The following GRK4 variants were observed in gnomAD, a reference collection of about 807,000 sequenced individuals.
GRK4 encodes G protein-coupled receptor kinase 4, also known as G protein-coupled receptor kinase 2-like.
A neutral mutation model predicts 77.9 loss-of-function variants in GRK4; 73 were observed. The ratio of observed to expected loss-of-function variants is 0.94; its 90% confidence interval spans 0.78 to 1.14. The LOEUF is 1.14. GRK4 is among the 50% of genes most tolerant of loss of function. The pLI is 0.00. For synonymous variants in GRK4, 257 were observed against 254.4 expected (o/e 1.01, Z -0.10); for missense variants, 729 against 700.2 (o/e 1.04, Z -0.46).
chr4:3,028,077 C>A, intron 11 of GRK4, 76 bp downstream of exon 11: 5 of 1,254,504 alleles, frequency 4.0e-6, no homozygotes, highest in Non-Finnish European at 5.9e-6. Context: ...AGAAATCCAC[C>A]CTGAATGGAC....
intron 4 of GRK4, among the ~76,000 whole-genome samples, chr4:3,000,419 A>G (rs974257760): frequency 6.6e-6 from 1 of 152,194 alleles, no homozygotes; most frequent in African/African-American, 2.4e-5. Context: ...TGGAGGGGAA[A>G]TGACTGTTAA....
intron 4 of GRK4, among the ~76,000 whole-genome samples, chr4:3,001,087 A>ATG (rs1729433731): frequency 3.7e-5 from 3 of 82,052 alleles, no homozygotes; most frequent in South Asian, 2.8e-4. Context: ...ATATATATAT[A>ATG]TATGTGTGTG....
chr4:2,976,903 T>C (rs554074271), intron 1 of GRK4, among the ~76,000 whole-genome samples: 2 of 152,288 alleles, frequency 1.3e-5, no homozygotes, highest in South Asian at 4.1e-4. Context: ...TCTCCCAAAG[T>C]GCTGGGATGA....
intron 1 of GRK4, among the ~76,000 whole-genome samples, chr4:2,964,351 G>C (rs1043556426): frequency 5.9e-5 from 9 of 152,180 alleles, no homozygotes; most frequent in African/African-American, 2.2e-4. Context: ...TGGCCCAGAT[G>C]AGAGAAGTCT....
At chr4:2,965,141 T>G in intron 1 of GRK4, 1 of 615,848 alleles carries the variant, frequency 1.6e-6, no homozygotes, top group South Asian at 1.9e-5. Flanking sequence ...AAATCCTGCT[T>G]AGTCTTTGTT....
intron 10 of GRK4, 45 bp from the exon 11 acceptor site, chr4:3,027,867 A>T: frequency 6.5e-7 from 1 of 1,530,566 alleles, no homozygotes; most frequent in Non-Finnish European, 9.0e-7. Flanking sequence ...TTACGGTGTC[A>T]TTACTTCCCC....
intron 10 of GRK4, among the ~76,000 whole-genome samples, chr4:3,025,766 G>A (rs2342295): frequency 0.4 from 60,075 of 151,746 alleles, 12,287 homozygotes; most frequent in Non-Finnish European, 0.41. Flanking sequence ...AAAATAGAGT[G>A]TATCGTAAGA....
Position 2,997,871 on chromosome 4 carries a change from G to A in GRK4, c.339+5579G>A, listed in dbSNP as rs144533100. 3.3e-3 allele frequency among the ~76,000 whole-genome samples: 482 copies of A among 146,802 alleles called. 2 individuals are homozygous for A. The highest frequency in any genetic ancestry group is 0.012 in the African/African-American group (453 of 39,156). ...TACAGTGAGCTGAGATTGCACCACT[G>A]CACTCCAGCCTGGATGACAGAGTGA... On this transcript the variant is annotated intron_variant, in intron 4 of 15. Coordinates refer to ENST00000398052, the MANE Select transcript of GRK4 (RefSeq NM_182982.3).
At chr4:3,011,441 A>G (rs893319883) in intron 7 of GRK4, among the ~76,000 whole-genome samples, 1 of 152,222 alleles carries the variant, frequency 6.6e-6, no homozygotes, top group East Asian at 1.9e-4. Flanking sequence ...ATAAATAAAT[A>G]CATTAAAAAA....
chr4:2,968,182 A>C (rs1318232810), intron 1 of GRK4, among the ~76,000 whole-genome samples: 1 of 152,148 alleles, frequency 6.6e-6, no homozygotes, highest in East Asian at 1.9e-4. Context: ...ATAAGCTTAA[A>C]TTATTTCACA....
At chr4:3,036,039 T>C (rs1344177926) in intron 13 of GRK4, among the ~76,000 whole-genome samples, 1 of 152,226 alleles carries the variant, frequency 6.6e-6, no homozygotes, top group East Asian at 1.9e-4. Flanking sequence ...CAGGCTACTT[T>C]TGAACTCCTG....
At chr4:3,030,541 C>T (rs758143296) in intron 12 of GRK4, among the ~76,000 whole-genome samples, 16 of 152,202 alleles carry the variant, frequency 1.1e-4, no homozygotes, top group Non-Finnish European at 2.1e-4. Flanking sequence ...GCCCTGCCAG[C>T]GAGAACTGAC....
chr4:3,011,552 G>A (rs1560450904), intron 7 of GRK4, among the ~76,000 whole-genome samples: 1 of 152,196 alleles, frequency 6.6e-6, no homozygotes, highest in Non-Finnish European at 1.5e-5. Context: ...AATAAAGCAT[G>A]GCAGTTTCCC....
At position 2,963,927 on chromosome 4, in the gene GRK4, AG is replaced by A; in HGVS notation, c.-143del. 1 of 770,634 alleles carries A rather than the reference AG, an allele frequency of 1.3e-6. No individual in the cohort carries two copies. Among genetic ancestry groups the A allele is most frequent in the Admixed American group, 2.2e-5 (1 of 46,416 alleles). 47.7% of individuals were successfully genotyped at this position (770,634 alleles called of 1,614,324 possible). ...CCCTTGGTGGCAGTGGTGGCGGCGG[AG>A]CAGCCTCCCGGGATCGTGTCCGGAG... On this transcript the variant is annotated 5_prime_UTR_variant, in exon 1 of 16. Transcript: ENST00000398052.
chr4:2,978,193 C>G (rs931755990), intron 1 of GRK4, among the ~76,000 whole-genome samples: 19 of 152,224 alleles, frequency 1.2e-4, no homozygotes, highest in Non-Finnish European at 1.9e-4. Flanking sequence ...GGGAAAACAA[C>G]TTTCATCTTT....
Position 2,990,246 on chromosome 4 carries a change from CTTTTTTTTTTTTT to C in GRK4, c.261+1422_261+1434del, listed in dbSNP as rs71644371. Among the ~76,000 whole-genome samples the C allele has an allele frequency of 1.6e-3, 114 of 70,764 alleles. 2 individuals are homozygous for C. The highest frequency in any genetic ancestry group is 2.8e-3 in the South Asian group (6 of 2,140). 46.4% of individuals were successfully genotyped at this position (70,764 alleles called of 152,430 possible). A position where few individuals can be genotyped will look rare whatever the true frequency, so the allele number is the denominator to read the frequency against. ...TAAGGTGATTCTTCTTCTTCTTCTT[CTTTTTTTTTTTTT>C]TTTTTTTTTTTTTTGAGACAGAGTT... On this transcript the variant is annotated intron_variant, in intron 3 of 15. Transcript: ENST00000398052.
chr4:3,034,257 G>A (rs1457255983), intron 12 of GRK4, among the ~76,000 whole-genome samples: 1 of 152,204 alleles, frequency 6.6e-6, no homozygotes, highest in East Asian at 1.9e-4. Context: ...CCAGCAAGGA[G>A]CTGAGAGCGG....
chr4:3,023,713 G>T (rs530845433), intron 10 of GRK4, among the ~76,000 whole-genome samples: 130 of 152,312 alleles, frequency 8.5e-4, no homozygotes, highest in Non-Finnish European at 1.6e-3. Context: ...TGGGTGGGGA[G>T]GGCACTAAGC....
intron 4 of GRK4, among the ~76,000 whole-genome samples, chr4:2,998,106 C>T (rs1465100133): frequency 6.6e-6 from 1 of 151,988 alleles, no homozygotes; most frequent in Non-Finnish European, 1.5e-5. Context: ...ACCTGTGATC[C>T]AGCACTTTGG....
Sources: gnomAD v4.1 joint callset for allele counts (sites outside exome capture counted in the v4.1 genomes callset) on GRCh38, gnomAD v4.1.1 for gene constraint, MANE v1.5 for transcripts, NCBI Gene and HGNC (gene_info 2026-07-23, HGNC 2026-07-21) for gene names.